PATJ: variants seen among roughly 807,000 people sequenced by gnomAD.
PATJ encodes inaD-like protein.
PATJ carries 190 observed loss-of-function variants against 224.9 expected under a neutral mutation model. The ratio of observed to expected loss-of-function variants is 0.84; its 90% confidence interval spans 0.75 to 0.95. The LOEUF is 0.95. PATJ is among the 40% of genes least tolerant of loss of function. The pLI is 0.00. For synonymous variants in PATJ, 769 were observed against 820.3 expected, an observed-to-expected ratio of 0.94 and a Z score of 1.07; for missense variants, 2,121 against 2,270.3, an observed-to-expected ratio of 0.93 and a Z score of 1.34.
intron 21 of PATJ, among the ~76,000 whole-genome samples, chr1:61,883,986 T>G (rs931381317): frequency 3.3e-5 from 5 of 151,834 alleles, no homozygotes; most frequent in African/African-American, 1.2e-4. Context: ...AATGCCATTT[T>G]TTTTTAGTGA....
At chr1:61,813,352 T>G (rs956427735) in intron 14 of PATJ, among the ~76,000 whole-genome samples, 33 of 41,992 alleles carry the variant, frequency 7.9e-4, no homozygotes, top group South Asian at 3.2e-3. Context: ...TATATATATA[T>G]ATATATATAT....
At chr1:61,887,849 G>GAT (rs1669101069) in intron 22 of PATJ, among the ~76,000 whole-genome samples, 1 of 152,178 alleles carries the variant, frequency 6.6e-6, no homozygotes, top group Non-Finnish European at 1.5e-5. Flanking sequence ...TAACAGGGAT[G>GAT]ATAGATAGGG....
intron 31 of PATJ, among the ~76,000 whole-genome samples, chr1:62,055,958 G>A (rs1654466244): frequency 6.6e-6 from 1 of 152,192 alleles, no homozygotes; most frequent in Non-Finnish European, 1.5e-5. Flanking sequence ...TAAAAGCTCT[G>A]CAGTCCAAAG....
At chr1:61,992,408 A>G (rs1819471) in intron 28 of PATJ, among the ~76,000 whole-genome samples, 98,186 of 152,020 alleles carry the variant, frequency 0.65, 32,766 homozygotes, top group African/African-American at 0.82. Flanking sequence ...GTGAGTCACC[A>G]GGCCTGGTCC....
intron 30 of PATJ, among the ~76,000 whole-genome samples, chr1:62,044,817 TCA>T (rs990087032): frequency 6.6e-6 from 1 of 152,212 alleles, no homozygotes; most frequent in Non-Finnish European, 1.5e-5. Context: ...ATTCAGTTTG[TCA>T]CATGTGGTAA....
intron 20 of PATJ, among the ~76,000 whole-genome samples, chr1:61,867,846 T>C (rs1320650896): frequency 6.6e-6 from 1 of 152,208 alleles, no homozygotes; most frequent in Non-Finnish European, 1.5e-5. Context: ...ATTTATCTAA[T>C]AATATTATCT....
intron 27 of PATJ, among the ~76,000 whole-genome samples, chr1:61,957,717 C>A (rs1307057703): frequency 6.6e-6 from 1 of 152,132 alleles, no homozygotes; most frequent in Non-Finnish European, 1.5e-5. Context: ...CTACAAAAAA[C>A]CAGAGTTGAA....
chr1:61,859,487 A>G (rs1289193521), intron 18 of PATJ, among the ~76,000 whole-genome samples: 5 of 152,080 alleles, frequency 3.3e-5, no homozygotes, highest in Non-Finnish European at 5.9e-5. Flanking sequence ...CTCATGAGCT[A>G]TAAATAGTGA....
chr1:62,016,642 G>A (rs528324902), intron 28 of PATJ, among the ~76,000 whole-genome samples: 2 of 152,142 alleles, frequency 1.3e-5, no homozygotes, highest in African/African-American at 4.8e-5. Flanking sequence ...AAGAAATTTA[G>A]AATTTAAATG....
chr1:61,795,482 T>C lies in PATJ; in HGVS notation c.1184T>C (p.Ile395Thr). The change falls in exon 10 of 44, where the codon ATT becomes ACT. Residue 395 changes from isoleucine to threonine, a missense_variant. Transcript: ENST00000642238. ...GCACCTTAAGGGGAAGCTTCAGGGATTTATGTGAAAAGTATAATACCTGGC... is the reference window on the plus strand; with the variant it reads ...GCACCTTAAGGGGAAGCTTCAGGGACTTATGTGAAAAGTATAATACCTGGC... ...GTSHTGEASG[I>T]YVKSIIPGSA... 2 of 1,601,928 alleles carry C rather than the reference T, an allele frequency of 1.2e-6. No homozygotes were observed. Among genetic ancestry groups the C allele is most frequent in the Non-Finnish European group, 1.7e-6 (2 of 1,172,006 alleles).
At position 62,128,936 on chromosome 1, in the gene PATJ, T is replaced by C. The variant is rs758943834; in HGVS notation, c.5262T>C (p.Ile1754=). Residue 1754 remains isoleucine (I), a synonymous_variant, in exon 41 of 44, where the codon ATT becomes ATC. Transcript: ENST00000642238. ...TGCTGAAGAACGCCTACGGGCGCATTATCCTGCAGGTATTGCGATCAACGG... is the reference window on the plus strand; with the variant it reads ...TGCTGAAGAACGCCTACGGGCGCATCATCCTGCAGGTATTGCGATCAACGG... ...VNLLKNAYGR[I]ILQVVADTNI... The C allele has an allele frequency of 6.2e-7, 1 of 1,605,028 alleles. No individual in the cohort carries two copies.
chr1:61,957,951 G>A (rs1161820010), intron 27 of PATJ, among the ~76,000 whole-genome samples: 2 of 152,104 alleles, frequency 1.3e-5, no homozygotes, highest in African/African-American at 2.4e-5. Flanking sequence ...ACAAACCAAG[G>A]ATAATGCTAC....
chr1:62,002,810 C>T (rs1048850679), intron 28 of PATJ, among the ~76,000 whole-genome samples: 4 of 150,928 alleles, frequency 2.7e-5, no homozygotes, highest in Non-Finnish European at 1.5e-5. Flanking sequence ...ATGGGTTTTT[C>T]ACTATGTCTA....
intron 43 of PATJ, among the ~76,000 whole-genome samples, chr1:62,157,303 G>A (rs1271184018): frequency 2.0e-5 from 3 of 150,044 alleles, no homozygotes; most frequent in Admixed American, 6.9e-5. Context: ...CAGCCTGGAT[G>A]ACAGAGCAAG....
chr1:61,797,238 A>ATAG, intron 10 of PATJ, 49 bp from the exon 11 acceptor site: 1 of 1,572,918 alleles, frequency 6.4e-7, no homozygotes. Context: ...AGAGCTAAAA[A>ATAG]TAGTAGCTAA....
At chr1:62,116,423 C>A in intron 35 of PATJ, 109 bp from the exon 36 acceptor site, 5 of 1,297,076 alleles carry the variant, frequency 3.9e-6, no homozygotes, top group South Asian at 3.0e-5. Context: ...GAAAACAAAA[C>A]TGGAAGAAGA....
chr1:61,911,472 A>G (rs1396172805), intron 25 of PATJ, among the ~76,000 whole-genome samples: 3 of 152,054 alleles, frequency 2.0e-5, no homozygotes, highest in African/African-American at 7.2e-5. Context: ...TCGGCCTCCC[A>G]AAGTGAGCCA....
intron 27 of PATJ, among the ~76,000 whole-genome samples, chr1:61,967,972 A>G (rs1347498787): frequency 1.3e-5 from 2 of 152,192 alleles, no homozygotes; most frequent in African/African-American, 2.4e-5. Context: ...ACTGGCTGCA[A>G]TGTCTGATAT....
rs1478031629 is a variant in PATJ at position 61,797,436 on chromosome 1, A to C, written c.1402+8A>C. The C allele has an allele frequency of 6.2e-7, 1 of 1,606,812 alleles. No individual in the cohort carries two copies. Among genetic ancestry groups the C allele is most frequent in the Non-Finnish European group, 8.5e-7 (1 of 1,174,110 alleles). ...AACCACCTTCAGACAGAGGTGATTAATTTGCCACCCCTCTATCCCTCAAGT... is the reference window on the plus strand; with the variant it reads ...AACCACCTTCAGACAGAGGTGATTACTTTGCCACCCCTCTATCCCTCAAGT... On this transcript the variant is annotated splice_region_variant and intron_variant, in intron 11 of 43. Coordinates refer to ENST00000642238, the MANE Select transcript of PATJ (RefSeq NM_001350145.3).
Sources: allele counts gnomAD v4.1 joint callset (sites outside exome capture counted in the v4.1 genomes callset), GRCh38; gene constraint gnomAD v4.1.1; transcripts MANE v1.5; gene names NCBI Gene and HGNC (gene_info 2026-07-23, HGNC 2026-07-21).